CEP85L: variants seen among roughly 807,000 people sequenced by gnomAD.
CEP85L encodes centrosomal protein 85L.
CEP85L carries 60 observed loss-of-function variants against 100.3 expected under a neutral mutation model. The ratio of observed to expected loss-of-function variants is 0.60; its 90% CI spans 0.49 to 0.74. CEP85L has a LOEUF of 0.74. CEP85L is among the 30% of genes least tolerant of loss of function. CEP85L has a pLI of 0.00. For synonymous variants in CEP85L, 319 were observed against 322.7 expected (o/e 0.99, Z 0.12); for missense variants, 973 against 936.2 (o/e 1.04, Z -0.51).
Position 118,463,493 on chromosome 6 carries a change from T to A in CEP85L, c.*1912A>T, listed in dbSNP as rs888370008. 3 of 152,044 alleles carry A rather than the reference T, an allele frequency of 2.0e-5. No individual in the cohort carries two copies. The highest frequency in any genetic ancestry group is 2.0e-4 in the Admixed American group (3 of 15,254). 9.4% of individuals were successfully genotyped at this position (152,044 alleles called of 1,614,324 possible). A position where few individuals can be genotyped will look rare whatever the true frequency, so the allele number is the denominator to read the frequency against. ...TTAGACGTTATTATCTGTTTTACCA[T>A]AAAGGACCAAGGCAGAATTCTTCGC... On this transcript the variant is annotated 3_prime_UTR_variant, in exon 13 of 13. Coordinates refer to ENST00000368491, the MANE Select transcript of CEP85L (RefSeq NM_001042475.3).
chr6:118,493,970 C>CT (rs1255767978), intron 5 of CEP85L, among the ~76,000 whole-genome samples: 1 of 151,774 alleles, frequency 6.6e-6, no homozygotes, highest in Non-Finnish European at 1.5e-5. Flanking sequence ...CCACTCAGTC[C>CT]TAAAAAAAAT....
intron 2 of CEP85L, among the ~76,000 whole-genome samples, chr6:118,627,580 T>C (rs911732988): frequency 5.9e-5 from 9 of 152,192 alleles, no homozygotes; most frequent in African/African-American, 1.7e-4. Flanking sequence ...TATTAATTGC[T>C]GGAGGCTGAG....
At chr6:118,466,016 C>T (rs995964164) in intron 12 of CEP85L, among the ~76,000 whole-genome samples, 4 of 150,754 alleles carry the variant, frequency 2.7e-5, no homozygotes, top group African/African-American at 7.4e-5. Flanking sequence ...GTAAGTGTCA[C>T]ACACACACAC....
At chr6:118,604,631 G>A (rs1583151657) in intron 2 of CEP85L, among the ~76,000 whole-genome samples, 1 of 152,258 alleles carries the variant, frequency 6.6e-6, no homozygotes, top group East Asian at 1.9e-4. Flanking sequence ...TTTTAATTGT[G>A]TTACTAGGAC....
chr6:118,555,946 C>T (rs146018626), intron 3 of CEP85L, among the ~76,000 whole-genome samples: 28 of 152,278 alleles, frequency 1.8e-4, no homozygotes, highest in South Asian at 4.1e-4. Context: ...ATAATGACCT[C>T]CAGCTCCATC....
intron 1 of CEP85L, among the ~76,000 whole-genome samples, chr6:118,672,286 C>T (rs1776331691): frequency 6.6e-6 from 1 of 152,174 alleles, no homozygotes; most frequent in Non-Finnish European, 1.5e-5. Flanking sequence ...GATCTGCCCA[C>T]CTTGGCCTCC....
chr6:118,631,615 C>A (rs1774159102), intron 2 of CEP85L, among the ~76,000 whole-genome samples: 1 of 152,188 alleles, frequency 6.6e-6, no homozygotes, highest in Non-Finnish European at 1.5e-5. Flanking sequence ...CTCTCCAATA[C>A]CACCATTACT....
chr6:118,475,847 C>T (rs1773327954), intron 10 of CEP85L, among the ~76,000 whole-genome samples: 2 of 152,056 alleles, frequency 1.3e-5, no homozygotes, highest in Admixed American at 6.5e-5. Context: ...ACTCTTTGGT[C>T]CACTGAGCGT....
intron 1 of CEP85L, among the ~76,000 whole-genome samples, chr6:118,683,233 T>C (rs949932644): frequency 2.0e-5 from 3 of 152,174 alleles, no homozygotes; most frequent in Non-Finnish European, 4.4e-5. Flanking sequence ...GTGCATTGTG[T>C]TTTTACCACT....
chr6:118,476,786 T>A (rs560255662), intron 10 of CEP85L, among the ~76,000 whole-genome samples: 1 of 152,338 alleles, frequency 6.6e-6, no homozygotes, highest in Admixed American at 6.5e-5. Context: ...TTCTATCTTT[T>A]GTGATATTAT....
chr6:118,662,222 C>T (rs1583237612), intron 1 of CEP85L, among the ~76,000 whole-genome samples: 1 of 152,070 alleles, frequency 6.6e-6, no homozygotes, highest in African/African-American at 2.4e-5. Flanking sequence ...ATCTTCATAA[C>T]AACATGATAA....
intron 2 of CEP85L, among the ~76,000 whole-genome samples, chr6:118,593,622 G>A (rs1227830903): frequency 7.2e-5 from 11 of 151,904 alleles, no homozygotes; most frequent in Non-Finnish European, 1.3e-4. Flanking sequence ...ACCAACATTG[G>A]GGAATACAAT....
At position 118,632,611 on chromosome 6, in the gene CEP85L, C is replaced by T; in HGVS notation, c.74G>A (p.Gly25Asp). 3.7e-6 allele frequency: 6 copies of T among 1,603,292 alleles called. No individual in the cohort carries two copies. Among genetic ancestry groups the T allele is most frequent in the Non-Finnish European group, 5.1e-6 (6 of 1,176,256 alleles). The part of the protein sequence containing the change: ...SPGGARSFPA[G>D]PDYSSAWLPA... ...TAGCCATGCTGATGAATAATCTGGG[C>T]CTAAAAAGGGAAATATGTAACAGTT... The change falls in exon 2 of 13, where the codon GGC becomes GAC. Residue 25 changes from glycine to aspartate, a missense_variant and splice_region_variant. By Grantham distance (94) the Gly-to-Asp change is moderately conservative. Coordinates refer to ENST00000368491, the MANE Select transcript of CEP85L (RefSeq NM_001042475.3).
At chr6:118,484,716 G>A (rs1376118249) in intron 6 of CEP85L, among the ~76,000 whole-genome samples, 1 of 152,172 alleles carries the variant, frequency 6.6e-6, no homozygotes, top group Non-Finnish European at 1.5e-5. Context: ...ATACCCAAAT[G>A]CTTTATGGGA....
At chr6:118,524,370 G>A (rs527856272) in intron 3 of CEP85L, among the ~76,000 whole-genome samples, 29 of 152,172 alleles carry the variant, frequency 1.9e-4, no homozygotes, top group Non-Finnish European at 3.5e-4. Flanking sequence ...CGTGAACCCG[G>A]GAGGCGGAGC....
intron 5 of CEP85L, among the ~76,000 whole-genome samples, chr6:118,499,952 C>G (rs563400609): frequency 2.0e-5 from 3 of 152,208 alleles, no homozygotes; most frequent in African/African-American, 7.2e-5. Flanking sequence ...ATAAAACCAT[C>G]ATTGTTCACA....
chr6:118,508,359 T>A (rs976804981), intron 5 of CEP85L, among the ~76,000 whole-genome samples: 1 of 152,110 alleles, frequency 6.6e-6, no homozygotes, highest in Non-Finnish European at 1.5e-5. Flanking sequence ...AAGGTACACA[T>A]ATATACAGAA....
chr6:118,670,972 A>T (rs1373853328), intron 1 of CEP85L, among the ~76,000 whole-genome samples: 3 of 151,122 alleles, frequency 2.0e-5, no homozygotes, highest in African/African-American at 7.3e-5. Flanking sequence ...AAAAAAAAAC[A>T]CTGTGTTTTT....
chr6:118,481,094 T>C (rs1310836246), intron 8 of CEP85L, among the ~76,000 whole-genome samples: 1 of 151,910 alleles, frequency 6.6e-6, no homozygotes, highest in Non-Finnish European at 1.5e-5. Context: ...AGTAAGTAAA[T>C]CTGGAAGATA....
Sources: gnomAD v4.1 joint callset for allele counts (sites outside exome capture counted in the v4.1 genomes callset) on GRCh38, gnomAD v4.1.1 for gene constraint, MANE v1.5 for transcripts, NCBI Gene and HGNC (gene_info 2026-07-23, HGNC 2026-07-21) for gene names.